AKAP1: variants seen among roughly 807,000 people sequenced by gnomAD.
AKAP1 encodes the protein A-kinase anchor protein 1, mitochondrial.
Under a neutral mutation model 79.8 loss-of-function variants are expected in AKAP1, and 32 were observed. That is an observed-to-expected ratio of 0.40 (90% CI 0.30 to 0.54). The LOEUF (loss-of-function observed/expected upper bound fraction) is 0.54. Ranked by LOEUF, AKAP1 falls within the 20% of genes least tolerant of loss-of-function variation. The probability of loss-of-function intolerance (pLI) is 0.47; values close to 1 mark genes in which losing one functional copy is unlikely to be tolerated. For synonymous variants in AKAP1, 416 were observed against 466.7 expected (o/e 0.89, Z 1.40); for missense variants, 961 against 1,138.9 (o/e 0.84, Z 2.25).
chr17:57,107,090 C>T lies in AKAP1; in HGVS notation c.1626C>T (p.Pro542=), dbSNP rs757231248. ...CGCCACTGCCAGAAAGTACTGTGCC[C>T]TTCAGCAATGGGGTGCTGAAGGGGG... ...ITPPLPESTV[P]FSNGVLKGEL... The change falls in exon 2 of 11, where the codon CCC becomes CCT. Residue 542 remains proline (P), a synonymous_variant. Transcript: ENST00000337714. The T allele has an allele frequency of 1.9e-6, 3 of 1,614,204 alleles. No individual in the cohort carries two copies. The highest frequency in any genetic ancestry group is 2.5e-6 in the Non-Finnish European group (3 of 1,180,038).
chr17:57,093,693 A>C (rs990030597), intron 1 of AKAP1: 4 of 152,210 alleles, frequency 2.6e-5, no homozygotes, highest in African/African-American at 9.7e-5. Flanking sequence ...GTTTTCTATC[A>C]AAACATTACT....
At chr17:57,105,306 C>A in intron 1 of AKAP1, 135 bp from the exon 2 acceptor site, 1 of 825,460 alleles carries the variant, frequency 1.2e-6, no homozygotes. Context: ...GAGAGGTGTG[C>A]TCCTCTTGGA....
At position 57,115,490 on chromosome 17, in the gene AKAP1, G is replaced by A. The variant is rs990563287; in HGVS notation, c.2282-621G>A. Reference sequence around the variant, plus strand: ...CTCATCCTGGCCAGCGTGGGCAGCTGTTGGGGTGCTGCTGGGAACGTTTAC... The same window carrying A: ...CTCATCCTGGCCAGCGTGGGCAGCTATTGGGGTGCTGCTGGGAACGTTTAC... On this transcript the variant is annotated intron_variant, in intron 6 of 10. Transcript: ENST00000337714. Among the ~76,000 whole-genome samples, 8 of 152,236 alleles carry A rather than the reference G, an allele frequency of 5.3e-5. No homozygotes were observed. In the South Asian group the frequency reaches 1.4e-3, roughly 28 times the overall value.
rs763083659 is a variant in AKAP1 at position 57,120,319 on chromosome 17, C to T, written c.2707C>T (p.Leu903Phe). Residue 903 changes from leucine to phenylalanine, a missense_variant, in exon 11 of 11, where the codon CTT becomes TTT. This residue lies in a region of AKAP1 where 629 missense variants were observed against 781.1 expected (regional missense o/e 0.81). Coordinates refer to ENST00000337714, the MANE Select transcript of AKAP1 (RefSeq NM_003488.4). ...GTGGGTAGACAGCTACTACACAAGCCTTTGACCCCCATGCTGCTTCCTGAG... is the reference window on the plus strand; with the variant it reads ...GTGGGTAGACAGCTACTACACAAGCTTTTGACCCCCATGCTGCTTCCTGAG... ...AQWVDSYYTS[L>F] 1 of 1,613,480 alleles carries T rather than the reference C, an allele frequency of 6.2e-7. No individual in the cohort carries two copies. Among genetic ancestry groups the T allele is most frequent in the Non-Finnish European group, 8.5e-7 (1 of 1,179,834 alleles).
At chr17:57,113,751 C>G (rs535147789) in intron 5 of AKAP1, among the ~76,000 whole-genome samples, 29 of 151,976 alleles carry the variant, frequency 1.9e-4, no homozygotes, top group Non-Finnish European at 4.0e-4. Context: ...TACAGGTGTG[C>G]TCCACCATGC....
In AKAP1 at chr17:57,106,816, A is replaced by G. The variant is rs1914910241; in HGVS notation, c.1352A>G (p.Lys451Arg). The change falls in exon 2 of 11, where the codon AAG becomes AGG. Residue 451 changes from lysine (K) to arginine (R), a missense_variant. Lys to Arg is a conservative substitution (Grantham distance 26, BLOSUM62 2). This residue lies in a region of AKAP1 where 629 missense variants were observed against 781.1 expected (regional missense o/e 0.81). Transcript: ENST00000337714. ...CTGTCCAGCCCCACCAAGGACAGTA[A>G]GCCAAATATCTCTGCACACCACATC... ...SLLSSPTKDS[K>R]PNISAHHISL... 2 of 1,614,144 alleles carry G rather than the reference A, an allele frequency of 1.2e-6. No individual in the cohort carries two copies. The highest frequency in any genetic ancestry group is 2.7e-5 in the African/African-American group (2 of 75,040).
At chr17:57,098,137 G>A (rs1343042358) in intron 1 of AKAP1, among the ~76,000 whole-genome samples, 1 of 152,270 alleles carries the variant, frequency 6.6e-6, no homozygotes, top group Non-Finnish European at 1.5e-5. Context: ...AACCTGGAGT[G>A]AGCAGATGAA....
At chr17:57,102,282 G>T (rs1479883668) in intron 1 of AKAP1, among the ~76,000 whole-genome samples, 1 of 152,086 alleles carries the variant, frequency 6.6e-6, no homozygotes, top group African/African-American at 2.4e-5. Context: ...AAGATGCCAA[G>T]TGTGGGATTT....
At position 57,118,422 on chromosome 17, in the gene AKAP1, G is replaced by A. The variant is rs758710258; in HGVS notation, c.2542G>A (p.Glu848Lys). ...FSPEADAAMS[E>K]MTGNTALLAQ... ...ACCGGAAGCAGATGCCGCCATGAGC[G>A]AGATGACGGGGAATACAGCACTGCT... The change falls in exon 9 of 11, where the codon GAG becomes AAG. Residue 848 changes from glutamate (E) to lysine (K), a missense_variant. By Grantham distance (56) the Glu-to-Lys change is moderately conservative (BLOSUM62 1). Transcript: ENST00000337714. The A allele has an allele frequency of 2.9e-5, 47 of 1,614,050 alleles. No homozygotes were observed. The highest frequency in any genetic ancestry group is 1.6e-4 in the Middle Eastern group (1 of 6,062).
At chr17:57,116,285 G>GC (rs1160093945) in intron 7 of AKAP1, 24 bp downstream of exon 7, 1 of 1,613,378 alleles carries the variant, frequency 6.2e-7, no homozygotes, top group Non-Finnish European at 8.5e-7. Context: ...CCTCAGGCAG[G>GC]CCTACGCCCT....
chr17:57,102,796 G>C (rs1327303667), intron 1 of AKAP1, among the ~76,000 whole-genome samples: 2 of 152,156 alleles, frequency 1.3e-5, no homozygotes, highest in Admixed American at 6.5e-5. Flanking sequence ...TAACCTTCAA[G>C]ATAGTAATTC....
chr17:57,106,705 C>G lies in AKAP1; in HGVS notation c.1241C>G (p.Pro414Arg), dbSNP rs147545374. ...GCCACAGCAGAGGCAGCTGTTGCCC[C>G]GCCGGATGCTGGCCTCCCCTTGCCA... ...EPATAEAAVAPPDAGLPLPGL... is the reference protein window; with the variant it reads ...EPATAEAAVARPDAGLPLPGL... Residue 414 changes from proline to arginine, a missense_variant, in exon 2 of 11, where the codon CCG (proline) becomes CGG (arginine). Around this residue, in one of 3 missense-constraint regions of AKAP1, gnomAD observed 629 missense variants for 781.1 expected, o/e 0.81. Transcript: ENST00000337714. 208 of 1,614,046 alleles carry G rather than the reference C, an allele frequency of 1.3e-4. No homozygotes were observed. The highest frequency in any genetic ancestry group is 7.5e-4 in the Admixed American group (45 of 60,030).
chr17:57,118,300 T>C (rs1190629562), intron 8 of AKAP1, 81 bp from the exon 9 acceptor site: 5 of 1,303,356 alleles, frequency 3.8e-6, no homozygotes, highest in East Asian at 2.3e-5. Context: ...CTACTTGGAA[T>C]GCACCTGAAA....
At chr17:57,112,639 T>C (rs370366408) in intron 5 of AKAP1, 21 bp downstream of exon 5, 1 of 1,583,392 alleles carries the variant, frequency 6.3e-7, no homozygotes, top group Non-Finnish European at 8.6e-7. Flanking sequence ...TACTGGGTGA[T>C]CCGGACTTCT....
rs1164619235 is a variant in AKAP1, at chr17:57,106,031, G to A, written c.567G>A (p.Lys189=). Residue 189 remains lysine (K), a synonymous_variant, in exon 2 of 11, where the codon AAG becomes AAA. Coordinates refer to ENST00000337714, the MANE Select transcript of AKAP1 (RefSeq NM_003488.4). ...QPGYPVVPAE[K]RSSGERARET... Reference sequence around the variant, plus strand: ...GCTACCCCGTAGTCCCCGCAGAGAAGCGTAGCTCTGGGGAGAGGGCAAGAG... The same window carrying A: ...GCTACCCCGTAGTCCCCGCAGAGAAACGTAGCTCTGGGGAGAGGGCAAGAG... The A allele has an allele frequency of 6.2e-7, 1 of 1,613,242 alleles. No individual in the cohort carries two copies. Among genetic ancestry groups the A allele is most frequent in the Non-Finnish European group, 8.5e-7 (1 of 1,179,772 alleles).
chr17:57,104,608 A>G (rs998194534), intron 1 of AKAP1, among the ~76,000 whole-genome samples: 1 of 152,252 alleles, frequency 6.6e-6, no homozygotes, highest in East Asian at 1.9e-4. Context: ...ACCTAGCAAC[A>G]CGATCCACTC....
intron 5 of AKAP1, among the ~76,000 whole-genome samples, chr17:57,113,130 G>A (rs772102139): frequency 2.6e-5 from 4 of 152,156 alleles, no homozygotes; most frequent in Non-Finnish European, 4.4e-5. Context: ...CACCAGGCCC[G>A]GAAGTCCAGT....
At position 57,112,528 on chromosome 17, in the gene AKAP1, T is replaced by G. The variant is rs1262826722; in HGVS notation, c.2013T>G (p.Ile671Met). Residue 671 changes from isoleucine (I) to methionine (M), a missense_variant, in exon 5 of 11, where the codon ATT becomes ATG. Physicochemically the swap from Ile to Met is conservative, Grantham distance 10 (BLOSUM62 1). Coordinates refer to ENST00000337714, the MANE Select transcript of AKAP1 (RefSeq NM_003488.4). ...ATGTAGACAAAGCGCTGAACTTGAT[T>G]GGGAAGAAGTTCAAAGAGCTGAACC... is the stretch of plus-strand genomic sequence containing the variant. Reference protein sequence around the residue: ...QHHVDKALNLIGKKFKELNLT... With the variant: ...QHHVDKALNLMGKKFKELNLT... 6.2e-7 allele frequency: 1 copy of G among 1,614,146 alleles called. No homozygotes were observed. Among genetic ancestry groups the G allele is most frequent in the South Asian group, 1.1e-5 (1 of 91,070 alleles).
chr17:57,117,519 G>A (rs1349671327), intron 8 of AKAP1, among the ~76,000 whole-genome samples: 1 of 152,168 alleles, frequency 6.6e-6, no homozygotes, highest in African/African-American at 2.4e-5. Flanking sequence ...ATTTGTAGGT[G>A]ATAGTTCATC....
Sources: allele counts gnomAD v4.1 joint callset (sites outside exome capture counted in the v4.1 genomes callset), GRCh38; gene constraint gnomAD v4.1.1; regional missense constraint gnomAD v4.1.1; transcripts MANE v1.5; gene names NCBI Gene and HGNC (gene_info 2026-07-23, HGNC 2026-07-21).